The following PRDM6 variants were observed in gnomAD, a reference collection of about 807,000 sequenced individuals.
The protein encoded by PRDM6 is putative histone-lysine N-methyltransferase PRDM6.
PRDM6 carries 25 observed loss-of-function variants against 60.8 expected under a neutral mutation model. The observed-to-expected ratio is 0.41, with a 90% CI of 0.30 to 0.57. The LOEUF is 0.57. Among genes scored for constraint, PRDM6 ranks in the 20% least tolerant of loss-of-function variants. The pLI, the probability that PRDM6 is intolerant of heterozygous loss-of-function variation, is 0.27. For missense variants in PRDM6, 839 were observed against 821.3 expected (o/e 1.02, Z -0.26); for synonymous variants, 407 against 357.4 (o/e 1.14, Z -1.57).
rs545956389 is a variant in PRDM6 at position 123,188,341 on chromosome 5, G to A, written c.*1140G>A. The A allele has an allele frequency of 4.6e-5, 7 of 152,166 alleles. No homozygotes were observed. The highest frequency in any genetic ancestry group is 7.2e-5 in the African/African-American group (3 of 41,440). 9.4% of individuals were successfully genotyped at this position (152,166 alleles called of 1,614,324 possible). A position where few individuals can be genotyped will look rare whatever the true frequency, so the allele number is the denominator to read the frequency against. On this transcript the variant is annotated 3_prime_UTR_variant, in exon 8 of 8. Transcript: ENST00000407847. ...CAGGAGCAGCTAATTTTATCAATAGGATTACTTTGTCTTTTCTTGAGATTG... is the reference window on the plus strand; with the variant it reads ...CAGGAGCAGCTAATTTTATCAATAGAATTACTTTGTCTTTTCTTGAGATTG...
At chr5:123,140,438 A>G (rs77027465) in intron 3 of PRDM6, among the ~76,000 whole-genome samples, 11 of 152,312 alleles carry the variant, frequency 7.2e-5, no homozygotes, top group African/African-American at 2.4e-4. Context: ...ACATGATGTA[A>G]CAGCTCTGAT....
chr5:123,094,689 A>G (rs1763919087), intron 2 of PRDM6, among the ~76,000 whole-genome samples: 1 of 152,072 alleles, frequency 6.6e-6, no homozygotes, highest in African/African-American at 2.4e-5. Flanking sequence ...ATTGCCCTAT[A>G]GTTTTGTAGG....
In PRDM6 at chr5:123,187,187, A is replaced by G. The variant is rs948724070; in HGVS notation, c.1774A>G (p.Ile592Val). Reference protein sequence around the residue: ...CKPITESPESIEVD With the variant: ...CKPITESPESVEVD Reference sequence around the variant, plus strand: ...GCCAATAACTGAGAGCCCAGAATCAATCGAAGTGGATTAACGGATTGACTG... The same window carrying G: ...GCCAATAACTGAGAGCCCAGAATCAGTCGAAGTGGATTAACGGATTGACTG... The change falls in exon 8 of 8, where the codon ATC becomes GTC. Residue 592 changes from isoleucine (I) to valine (V), a missense_variant. Coordinates refer to ENST00000407847, the MANE Select transcript of PRDM6 (RefSeq NM_001136239.4). 1 of 1,550,246 alleles carries G rather than the reference A, an allele frequency of 6.5e-7. No homozygotes were observed. Among genetic ancestry groups the G allele is most frequent in the Non-Finnish European group, 8.7e-7 (1 of 1,145,744 alleles).
intron 3 of PRDM6, among the ~76,000 whole-genome samples, chr5:123,111,200 A>G (rs1192933065): frequency 6.6e-6 from 1 of 152,222 alleles, no homozygotes; most frequent in Admixed American, 6.5e-5. Flanking sequence ...TGTGTTAGGT[A>G]TATTTATTTT....
At chr5:123,117,299 A>G (rs894397843) in intron 3 of PRDM6, among the ~76,000 whole-genome samples, 1 of 152,210 alleles carries the variant, frequency 6.6e-6, no homozygotes, top group Non-Finnish European at 1.5e-5. Flanking sequence ...GGCAATAAAC[A>G]TACCCATACC....
chr5:123,101,016 GA>G (rs1464775083), intron 3 of PRDM6, among the ~76,000 whole-genome samples: 1 of 152,190 alleles, frequency 6.6e-6, no homozygotes, highest in Non-Finnish European at 1.5e-5. Context: ...AGGTTGACAT[GA>G]ACCCCTGGGC....
At chr5:123,179,514 A>G (rs886094479) in intron 6 of PRDM6, among the ~76,000 whole-genome samples, 1 of 152,238 alleles carries the variant, frequency 6.6e-6, no homozygotes, top group African/African-American at 2.4e-5. Flanking sequence ...TTATGCTATA[A>G]GTCCACCACA....
At chr5:123,171,780 C>T (rs1438633911) in intron 6 of PRDM6, among the ~76,000 whole-genome samples, 1 of 152,082 alleles carries the variant, frequency 6.6e-6, no homozygotes, top group Non-Finnish European at 1.5e-5. Flanking sequence ...TTTAGCTGAA[C>T]AAGTGAATTA....
intron 3 of PRDM6, among the ~76,000 whole-genome samples, chr5:123,155,144 T>A (rs1765463935): frequency 6.6e-6 from 1 of 152,104 alleles, no homozygotes; most frequent in South Asian, 2.1e-4. Context: ...TCAAATGCTA[T>A]CTTGAAAGGA....
At chr5:123,150,418 C>G (rs1205016848) in intron 3 of PRDM6, among the ~76,000 whole-genome samples, 1 of 152,114 alleles carries the variant, frequency 6.6e-6, no homozygotes, top group Non-Finnish European at 1.5e-5. Flanking sequence ...CACCGTTCAC[C>G]TTTTAAAAAT....
intron 2 of PRDM6, among the ~76,000 whole-genome samples, chr5:123,098,008 TAGTC>T (rs1763996705): frequency 6.6e-6 from 1 of 152,230 alleles, no homozygotes; most frequent in South Asian, 2.1e-4. Context: ...GAGGCTTACA[TAGTC>T]AGCCCTCCTT....
In PRDM6 at chr5:123,099,889, T is replaced by G; in HGVS notation, c.828T>G (p.Pro276=). The G allele has an allele frequency of 6.5e-7, 1 of 1,549,112 alleles. No homozygotes were observed. The highest frequency in any genetic ancestry group is 8.7e-7 in the Non-Finnish European group (1 of 1,146,034). ...TCCAGCAAGGCACCTGGATTGGACC[T>G]TTCCAAGGCGTGCTTCTGCCCCCAG... ...QRIQQGTWIG[P]FQGVLLPPEK... Residue 276 remains proline (P), a synonymous_variant, in exon 3 of 8, where the codon CCT becomes CCG. Transcript: ENST00000407847. This position sits in a 1 kb window ranked among gnomAD's most constrained non-coding sequence, Gnocchi z 4.0.
At chr5:123,162,447 A>G (rs957256046) in intron 5 of PRDM6, among the ~76,000 whole-genome samples, 8 of 152,222 alleles carry the variant, frequency 5.3e-5, no homozygotes, top group Admixed American at 3.9e-4. Context: ...TGAGTGAAGC[A>G]TTCTTGAGAT....
intron 3 of PRDM6, among the ~76,000 whole-genome samples, chr5:123,126,849 T>C (rs954696963): frequency 1.3e-5 from 2 of 152,284 alleles, no homozygotes; most frequent in Admixed American, 1.3e-4. Context: ...ACTATCATAA[T>C]CTCTGTCTAT....
At chr5:123,120,403 G>A (rs17149944) in intron 3 of PRDM6, among the ~76,000 whole-genome samples, 24,951 of 152,128 alleles carry the variant, frequency 0.16, 2,468 homozygotes, top group East Asian at 0.51. Flanking sequence ...TGGAGGCAGC[G>A]TCACACAGTG....
chr5:123,097,275 C>G (rs1031156029), intron 2 of PRDM6, among the ~76,000 whole-genome samples: 3 of 152,168 alleles, frequency 2.0e-5, no homozygotes, highest in Admixed American at 2.0e-4. Context: ...ATAACTCAAT[C>G]ATGCTACAGC....
At chr5:123,150,744 C>T (rs377058949) in intron 3 of PRDM6, among the ~76,000 whole-genome samples, 107 of 152,250 alleles carry the variant, frequency 7.0e-4, no homozygotes, top group Middle Eastern at 3.4e-3. Flanking sequence ...TTTATCTGGT[C>T]TTCCCTGGAT....
chr5:123,090,119 C>G lies in PRDM6; in HGVS notation c.105C>G (p.Leu35=), dbSNP rs1429727156. ...QLFPHGGAGP[L]KGSGAAGLLS... ...TCCCTCACGGAGGCGCAGGCCCGCT[C>G]AAGGGCAGCGGCGCCGCGGGTCTCC... The change falls in exon 2 of 8, where the codon CTC becomes CTG. Residue 35 remains leucine, a synonymous_variant. Transcript: ENST00000407847. 2.6e-6 allele frequency: 4 copies of G among 1,542,008 alleles called. No individual in the cohort carries two copies. The highest frequency in any genetic ancestry group is 2.8e-5 in the African/African-American group (2 of 71,634).
At chr5:123,117,863 G>A (rs533506018) in intron 3 of PRDM6, among the ~76,000 whole-genome samples, 1 of 152,324 alleles carries the variant, frequency 6.6e-6, no homozygotes, top group African/African-American at 2.4e-5. Context: ...GCGCAGTTCC[G>A]ATTTTGGAGG....
Sources: gnomAD v4.1 joint callset for allele counts (sites outside exome capture counted in the v4.1 genomes callset) on GRCh38, gnomAD v4.1.1 for gene constraint, Gnocchi (gnomAD v3.1) non-coding constraint, MANE v1.5 for transcripts, NCBI Gene and HGNC (gene_info 2026-07-23, HGNC 2026-07-21) for gene names.